The following MPP4 variants were observed in gnomAD, a reference collection of about 807,000 sequenced individuals.
MPP4 encodes MAGUK p55 scaffold protein 4, also known as MAGUK p55 subfamily member 4.
Under a neutral mutation model 98.3 loss-of-function variants are expected in MPP4, and 91 were observed. That is an observed-to-expected ratio of 0.93 (90% CI 0.78 to 1.10). MPP4 has a LOEUF of 1.10. Ranked by LOEUF, MPP4 falls within the 50% of genes least tolerant of loss-of-function variation. MPP4 has a pLI of 0.00. For missense variants in MPP4, 744 were observed against 792.9 expected (o/e 0.94, Z 0.74); for synonymous variants, 261 against 271.8 (o/e 0.96, Z 0.39).
At chr2:201,673,817 C>T (rs767393115) in intron 11 of MPP4, among the ~76,000 whole-genome samples, 2 of 152,090 alleles carry the variant, frequency 1.3e-5, no homozygotes, top group African/African-American at 2.4e-5. Flanking sequence ...TGAGGCTTGC[C>T]CCGGGCAGAT....
In MPP4 at chr2:201,645,027, G is replaced by T; in HGVS notation, c.*183C>A. On this transcript the variant is annotated 3_prime_UTR_variant, in exon 22 of 22. Coordinates refer to ENST00000409474, the MANE Select transcript of MPP4 (RefSeq NM_033066.3). Reference sequence around the variant, plus strand: ...TATGAGGTAAAGGAAAAAAAATTAAGTTAAAATAGGTAACCACATAACCAT... The same window carrying T: ...TATGAGGTAAAGGAAAAAAAATTAATTTAAAATAGGTAACCACATAACCAT... 2.3e-6 allele frequency: 1 copy of T among 441,888 alleles called. No individual in the cohort carries two copies. The highest frequency in any genetic ancestry group is 3.8e-6 in the Non-Finnish European group (1 of 265,968). 27.4% of individuals were successfully genotyped at this position (441,888 alleles called of 1,614,324 possible).
chr2:201,648,768 G>A (rs60259566), intron 20 of MPP4, among the ~76,000 whole-genome samples: 1 of 152,114 alleles, frequency 6.6e-6, no homozygotes, highest in Non-Finnish European at 1.5e-5. Flanking sequence ...AAATGACTAA[G>A]AAAACATGGC....
At chr2:201,664,430 G>A (rs1479071499) in intron 13 of MPP4, 2 of 1,175,208 alleles carry the variant, frequency 1.7e-6, no homozygotes, top group East Asian at 5.4e-5. Flanking sequence ...GAAATCCCTA[G>A]AGACTGTTGG....
chr2:201,660,463 A>G, intron 14 of MPP4, 117 bp from the exon 15 acceptor site: 1 of 1,098,914 alleles, frequency 9.1e-7, no homozygotes, highest in Admixed American at 1.7e-5. Context: ...CACCACTAGC[A>G]AAAGGTAACT....
intron 5 of MPP4, 69 bp from the exon 6 acceptor site, chr2:201,686,119 T>C (rs1688822121): frequency 1.0e-5 from 16 of 1,550,458 alleles, no homozygotes; most frequent in Non-Finnish European, 1.4e-5. Flanking sequence ...AGATAGTAAC[T>C]CAATACTATC....
intron 8 of MPP4, 64 bp downstream of exon 8, chr2:201,682,767 A>G: frequency 1.4e-6 from 2 of 1,431,704 alleles, no homozygotes. Context: ...CGTGGGCTTG[A>G]TGGTCCCAGT....
chr2:201,663,879 C>CA (rs1323721792), intron 14 of MPP4, among the ~76,000 whole-genome samples: 16 of 151,804 alleles, frequency 1.1e-4, no homozygotes, highest in Non-Finnish European at 1.2e-4. Flanking sequence ...GACCTTGTCT[C>CA]AAAAAAATTA....
In MPP4 at chr2:201,644,970, TTAACA is replaced by T. The variant is rs1329677269; in HGVS notation, c.*235_*239del. ...GCGAAAGGTTCTCATACTCAGTGAC[TTAACA>T]TTATTCATATTTCTACCACAGCTGC... is the stretch of plus-strand genomic sequence containing the variant. On this transcript the variant is annotated 3_prime_UTR_variant, in exon 22 of 22. Transcript: ENST00000409474. 1 of 333,072 alleles carries T rather than the reference TTAACA, an allele frequency of 3.0e-6. No homozygotes were observed. The highest frequency in any genetic ancestry group is 5.3e-6 in the Non-Finnish European group (1 of 187,762). The allele number at this position is 333,072 out of a possible 1,614,324, so 20.6% of individuals were successfully genotyped here.
chr2:201,660,236 A>T, intron 15 of MPP4, 96 bp downstream of exon 15: 1 of 1,168,490 alleles, frequency 8.6e-7, no homozygotes, highest in African/African-American at 1.5e-5. Context: ...CCGTATCTTC[A>T]TCTTAAACAT....
intron 18 of MPP4, among the ~76,000 whole-genome samples, chr2:201,653,719 A>C (rs1687780993): frequency 1.3e-5 from 2 of 152,144 alleles, no homozygotes; most frequent in East Asian, 3.8e-4. Context: ...GTTGTCTTAG[A>C]GTGATTTTAA....
chr2:201,695,408 C>T (rs941936234), intron 1 of MPP4, among the ~76,000 whole-genome samples: 3 of 152,336 alleles, frequency 2.0e-5, no homozygotes, highest in Non-Finnish European at 4.4e-5. Context: ...TATCATGTCA[C>T]TGAAAAACAA....
intron 10 of MPP4, among the ~76,000 whole-genome samples, chr2:201,676,394 C>CA (rs1420852519): frequency 1.3e-5 from 2 of 152,218 alleles, no homozygotes; most frequent in Admixed American, 1.3e-4. Context: ...GGGTTCCAGG[C>CA]ATGCTTCCCC....
rs1025589681 is a variant in MPP4 at position 201,682,742 on chromosome 2, A to G, written c.660+89T>C. 8.1e-6 allele frequency: 9 copies of G among 1,106,238 alleles called. No homozygotes were observed. The Admixed American group carries it at 1.4e-4, about 18-fold the overall frequency. The allele number at this position is 1,106,238 out of a possible 1,614,324, so 68.5% of individuals were successfully genotyped here. A position where few individuals can be genotyped will look rare whatever the true frequency, so the allele number is the denominator to read the frequency against. On this transcript the variant is annotated intron_variant, in intron 8 of 21. Coordinates refer to ENST00000409474, the MANE Select transcript of MPP4 (RefSeq NM_033066.3). ...CCAAGAGAACTTGAGTCCCCGGTAC[A>G]TCCCAGTGCACACACGTGGGCTTGA...
chr2:201,654,964 A>G (rs962560919), intron 17 of MPP4, 47 bp from the exon 18 acceptor site: 15 of 1,241,682 alleles, frequency 1.2e-5, no homozygotes, highest in Non-Finnish European at 1.6e-5. Flanking sequence ...GTGGATAAAT[A>G]TAATTATGTG....
intron 11 of MPP4, among the ~76,000 whole-genome samples, chr2:201,670,884 G>C (rs1196803258): frequency 1.3e-5 from 2 of 152,216 alleles, no homozygotes; most frequent in Non-Finnish European, 1.5e-5. Context: ...GGACTGGCTA[G>C]ATAGTGGGTG....
chr2:201,650,538 T>A (rs1292920943), intron 18 of MPP4: 1 of 985,290 alleles, frequency 1.0e-6, no homozygotes, highest in East Asian at 1.1e-4. Context: ...ATAGTGCATT[T>A]CCCATGATCT....
chr2:201,694,141 C>T, intron 1 of MPP4, 87 bp from the exon 2 acceptor site: 2 of 1,274,606 alleles, frequency 1.6e-6, no homozygotes, highest in Non-Finnish European at 1.1e-6. Context: ...CACAGTCTTC[C>T]CCTGTGGTGC....
At chr2:201,694,372 G>T (rs527907703) in intron 1 of MPP4, among the ~76,000 whole-genome samples, 2 of 152,230 alleles carry the variant, frequency 1.3e-5, no homozygotes, top group Admixed American at 6.5e-5. Context: ...GCTCAGAAAA[G>T]TCTTGCGTGG....
At chr2:201,668,477 C>CTCTTCTCTTCTCTTCCT (rs1553493949) in intron 12 of MPP4, among the ~76,000 whole-genome samples, 2 of 146,832 alleles carry the variant, frequency 1.4e-5, no homozygotes, top group African/African-American at 5.1e-5. Flanking sequence ...CTCTTCTCTT[C>CTCTTCTCTTCTCTTCCT]CTCTCTCTCT....
Sources: gnomAD v4.1 joint callset for allele counts (sites outside exome capture counted in the v4.1 genomes callset) on GRCh38, gnomAD v4.1.1 for gene constraint, MANE v1.5 for transcripts, NCBI Gene and HGNC (gene_info 2026-07-23, HGNC 2026-07-21) for gene names.